Variants in TMEM141 observed in about 807,000 individuals in gnomAD.
The protein encoded by TMEM141 is transmembrane protein 141.
Under a neutral mutation model 15.9 loss-of-function variants are expected in TMEM141, and 18 were observed. The ratio of observed to expected loss-of-function variants is 1.13; its 90% confidence interval spans 0.78 to 1.68. The LOEUF is 1.68. Ranked by LOEUF, TMEM141 falls within the 40% of genes most tolerant of loss-of-function variation. The pLI, the probability that TMEM141 is intolerant of heterozygous loss-of-function variation, is 0.00. For missense variants in TMEM141, 161 were observed against 139.5 expected, an observed-to-expected ratio of 1.15 and a Z score of -0.78; for synonymous variants, 69 against 54.0, an observed-to-expected ratio of 1.28 and a Z score of -1.22.
At chr9:136,792,716 T>C in intron 4 of TMEM141, 103 bp from the exon 5 acceptor site, 1 of 903,908 alleles carries the variant, frequency 1.1e-6, no homozygotes, top group Non-Finnish European at 1.7e-6. Flanking sequence ...CCACTGCCCG[T>C]TGTCCTTGTT....
intron 2 of TMEM141, 33 bp from the exon 3 acceptor site, chr9:136,791,914 G>T (rs370483302): frequency 6.2e-7 from 1 of 1,613,828 alleles, no homozygotes; most frequent in Non-Finnish European, 8.5e-7. Context: ...CTATCCCCGG[G>T]TACAGGTTGA....
At position 136,792,354 on chromosome 9, in the gene TMEM141, C is replaced by T. The variant is rs1317871078; in HGVS notation, c.309C>T (p.Ser103=). The change falls in exon 4 of 5, where the codon AGC becomes AGT. Residue 103 remains serine, a synonymous_variant. Coordinates refer to ENST00000290079, the MANE Select transcript of TMEM141 (RefSeq NM_032928.4). ...LETGQLPKDR[S]TDQRS ...CCGGGCAGCTCCCCAAAGACAGGAG[C>T]ACAGGTGAGAGAGCCTGGGGGTTAG... 2 of 1,571,194 alleles carry T rather than the reference C, an allele frequency of 1.3e-6. No individual in the cohort carries two copies. Among genetic ancestry groups the T allele is most frequent in the South Asian group, 2.3e-5 (2 of 85,594 alleles).
In TMEM141 at chr9:136,792,804, C is replaced by T. The variant is rs1470885513; in HGVS notation, c.314-15C>T. 6.4e-7 allele frequency: 1 copy of T among 1,559,954 alleles called. No homozygotes were observed. The highest frequency in any genetic ancestry group is 8.7e-7 in the Non-Finnish European group (1 of 1,151,810). ...ATGGATGTGGTTCGAGCTTGTCTCT[C>T]TTTGCCTTTTACAGATCAGAGAAGC... On this transcript the variant is annotated splice_polypyrimidine_tract_variant and intron_variant, in intron 4 of 4. Transcript: ENST00000290079.
In TMEM141 at chr9:136,791,694, C is replaced by A. The variant is rs1340332170; in HGVS notation, c.55-17C>A. 1 of 1,611,760 alleles carries A rather than the reference C, an allele frequency of 6.2e-7. No individual in the cohort carries two copies. The highest frequency in any genetic ancestry group is 1.1e-5 in the South Asian group (1 of 90,948). On this transcript the variant is annotated splice_polypyrimidine_tract_variant and intron_variant, in intron 1 of 4. Transcript: ENST00000290079. ...GAGGGCAGGGGATCGAGCCTTCACCCGCCTCTGCCACCCCAGGGACTCGGG... is the reference window on the plus strand; with the variant it reads ...GAGGGCAGGGGATCGAGCCTTCACCAGCCTCTGCCACCCCAGGGACTCGGG...
At chr9:136,792,141 G>C in intron 3 of TMEM141, 110 bp from the exon 4 acceptor site, 8 of 1,520,508 alleles carry the variant, frequency 5.3e-6, no homozygotes, top group Non-Finnish European at 7.2e-6. Context: ...GTCTCGGCGG[G>C]AGCCCCACCT....
chr9:136,793,021 GA>G lies in TMEM141; in HGVS notation c.*190del. On this transcript the variant is annotated 3_prime_UTR_variant, in exon 5 of 5. Transcript: ENST00000290079. ...CTGCCCCAACCTGGGACCTGCCCAG[GA>G]GGTTGGAGCAGAAAGGGCTCTCCCT... The G allele has an allele frequency of 1.4e-6, 1 of 703,424 alleles. No individual in the cohort carries two copies. The highest frequency in any genetic ancestry group is 1.9e-6 in the Non-Finnish European group (1 of 518,422). The allele number at this position is 703,424 out of a possible 1,614,324, so 43.6% of individuals were successfully genotyped here.
At position 136,791,689 on chromosome 9, in the gene TMEM141, T is replaced by A. The variant is rs1235475596; in HGVS notation, c.55-22T>A. ...AGGAAGAGGGCAGGGGATCGAGCCT[T>A]CACCCGCCTCTGCCACCCCAGGGAC... On this transcript the variant is annotated intron_variant, in intron 1 of 4. Coordinates refer to ENST00000290079, the MANE Select transcript of TMEM141 (RefSeq NM_032928.4). 10 of 1,609,342 alleles carry A rather than the reference T, an allele frequency of 6.2e-6. No homozygotes were observed. In the African/African-American group the frequency reaches 1.3e-4, roughly 22 times the overall value.
chr9:136,793,055 T>A lies in TMEM141; in HGVS notation c.*223T>A, dbSNP rs1588326150. 9.3e-6 allele frequency: 4 copies of A among 430,664 alleles called. No individual in the cohort carries two copies. The highest frequency in any genetic ancestry group is 6.3e-5 in the African/African-American group (3 of 47,618). 26.7% of individuals were successfully genotyped at this position (430,664 alleles called of 1,614,324 possible). ...GCAGAAAGGGCTCTCCCTGGGGTGGTGTTTCTCCTCTAGGGTATTGGGATG... is the reference window on the plus strand; with the variant it reads ...GCAGAAAGGGCTCTCCCTGGGGTGGAGTTTCTCCTCTAGGGTATTGGGATG... On this transcript the variant is annotated 3_prime_UTR_variant, in exon 5 of 5. Transcript: ENST00000290079.
At chr9:136,792,428 G>A in intron 4 of TMEM141, 70 bp downstream of exon 4, 1 of 1,307,092 alleles carries the variant, frequency 7.7e-7, no homozygotes, top group South Asian at 1.3e-5. Context: ...GGGCAGCCAA[G>A]CCTGGGTGCA....
In TMEM141 at chr9:136,791,736, A is replaced by G; in HGVS notation, c.80A>G (p.Gln27Arg). ...HPGLGEYAACQSHAFMKGVFT... is the reference protein window; with the variant it reads ...HPGLGEYAACRSHAFMKGVFT... ...GGACTCGGGGAGTATGCCGCATGCC[A>G]GTCACACGCCTTCATGAAGGGCGTT... Residue 27 changes from glutamine to arginine, a missense_variant, in exon 2 of 5, where the codon CAG (glutamine) becomes CGG (arginine). Gln to Arg is a conservative substitution (Grantham distance 43). Coordinates refer to ENST00000290079, the MANE Select transcript of TMEM141 (RefSeq NM_032928.4). 1 of 1,613,406 alleles carries G rather than the reference A, an allele frequency of 6.2e-7. No individual in the cohort carries two copies. Among genetic ancestry groups the G allele is most frequent in the Non-Finnish European group, 8.5e-7 (1 of 1,179,896 alleles).
In TMEM141 at chr9:136,792,035, G is replaced by A. The variant is rs762355822; in HGVS notation, c.205+5G>A. 6.2e-7 allele frequency: 1 copy of A among 1,613,716 alleles called. No homozygotes were observed. The highest frequency in any genetic ancestry group is 8.5e-7 in the Non-Finnish European group (1 of 1,179,876). ...GGAGCCTCCTAGTGGCCGTGGGTGG[G>A]TACTCCAGGGCCCCTGCCTGGGCTC... On this transcript the variant is annotated splice_donor_5th_base_variant and intron_variant, in intron 3 of 4. Coordinates refer to ENST00000290079, the MANE Select transcript of TMEM141 (RefSeq NM_032928.4).
At position 136,792,358 on chromosome 9, in the gene TMEM141, G is replaced by C. The variant is rs145998409; in HGVS notation, c.313G>C (p.Asp105His). The C allele has an allele frequency of 4.3e-5, 68 of 1,568,574 alleles. No individual in the cohort carries two copies. The highest frequency in any genetic ancestry group is 4.6e-5 in the Non-Finnish European group (53 of 1,156,226). The change falls in exon 4 of 5, where the codon GAT becomes CAT. Residue 105 changes from aspartate (D) to histidine (H), a missense_variant and splice_region_variant. Physicochemically the swap from Asp to His is moderately conservative, Grantham distance 81. Coordinates refer to ENST00000290079, the MANE Select transcript of TMEM141 (RefSeq NM_032928.4). ...GCAGCTCCCCAAAGACAGGAGCACA[G>C]GTGAGAGAGCCTGGGGGTTAGCGAG... Reference protein sequence around the residue: ...TGQLPKDRSTDQRS With the variant: ...TGQLPKDRSTHQRS
chr9:136,792,016 T>A lies in TMEM141; in HGVS notation c.191T>A (p.Leu64His), dbSNP rs749588332. 12 of 1,613,822 alleles carry A rather than the reference T, an allele frequency of 7.4e-6. No homozygotes were observed. In the Admixed American group the frequency reaches 1.5e-4, roughly 20 times the overall value. Reference protein sequence around the residue: ...RKFPYPLQWSLLVAVVAGSVV... With the variant: ...RKFPYPLQWSHLVAVVAGSVV... ...TTTCCATACCCTTTGCAGTGGAGCC[T>A]CCTAGTGGCCGTGGGTGGGTACTCC... The change falls in exon 3 of 5, where the codon CTC (leucine) becomes CAC (histidine). Residue 64 changes from leucine to histidine, a missense_variant. Transcript: ENST00000290079.
rs1164097997 is a variant in TMEM141, at chr9:136,792,254, C to G, written c.209C>G (p.Ala70Gly). ...LQWSLLVAVV[A>G]GSVVSYGVTR... ...TCTTCCATTTCCTGCTCCACAGTTG[C>G]AGGCTCTGTGGTCAGCTACGGGGTG... is the stretch of plus-strand genomic sequence containing the variant. The change falls in exon 4 of 5, where the codon GCA becomes GGA. Residue 70 changes from alanine to glycine, a missense_variant. Physicochemically the swap from Ala to Gly is moderately conservative, Grantham distance 60. Transcript: ENST00000290079. 3.2e-6 allele frequency: 5 copies of G among 1,579,386 alleles called. No homozygotes were observed. In the South Asian group the frequency reaches 5.8e-5, roughly 18 times the overall value.
In TMEM141 at chr9:136,791,993, T is replaced by G. The variant is rs1395813136; in HGVS notation, c.168T>G (p.Phe56Leu). 1.4e-5 allele frequency: 22 copies of G among 1,613,954 alleles called. No individual in the cohort carries two copies. Among genetic ancestry groups the G allele is most frequent in the Non-Finnish European group, 1.6e-5 (19 of 1,180,024 alleles). Residue 56 changes from phenylalanine to leucine, a missense_variant, in exon 3 of 5, where the codon TTT (phenylalanine) becomes TTG (leucine). By Grantham distance (22) the Phe-to-Leu change is conservative. Coordinates refer to ENST00000290079, the MANE Select transcript of TMEM141 (RefSeq NM_032928.4). ...TGCAGATGTTCATTCAGAGGAAGTT[T>G]CCATACCCTTTGCAGTGGAGCCTCC... Reference protein sequence around the residue: ...FGLQMFIQRKFPYPLQWSLLV... With the variant: ...FGLQMFIQRKLPYPLQWSLLV...
Position 136,792,869 on chromosome 9 carries a change from G to A in TMEM141, c.*37G>A. 1.3e-6 allele frequency: 2 copies of A among 1,523,640 alleles called. No homozygotes were observed. The highest frequency in any genetic ancestry group is 1.3e-5 in the South Asian group (1 of 76,706). 94.4% of individuals were successfully genotyped at this position (1,523,640 alleles called of 1,614,324 possible). On this transcript the variant is annotated 3_prime_UTR_variant, in exon 5 of 5. Transcript: ENST00000290079. ...CAGGGGCACAGAGGATTGGGGGCAG[G>A]AGGAGTCTGGAACACAGCCTTCATG...
At position 136,792,361 on chromosome 9, in the gene TMEM141, G is replaced by A; in HGVS notation, c.313+3G>A. Reference sequence around the variant, plus strand: ...GCTCCCCAAAGACAGGAGCACAGGTGAGAGAGCCTGGGGGTTAGCGAGAAG... The same window carrying A: ...GCTCCCCAAAGACAGGAGCACAGGTAAGAGAGCCTGGGGGTTAGCGAGAAG... On this transcript the variant is annotated splice_donor_region_variant and intron_variant, in intron 4 of 4. Transcript: ENST00000290079. 3.8e-6 allele frequency: 6 copies of A among 1,565,954 alleles called. No individual in the cohort carries two copies. The highest frequency in any genetic ancestry group is 5.2e-6 in the Non-Finnish European group (6 of 1,154,728).
intron 3 of TMEM141, 90 bp from the exon 4 acceptor site, chr9:136,792,161 C>A: frequency 6.7e-7 from 1 of 1,496,064 alleles, no homozygotes; most frequent in Non-Finnish European, 9.1e-7. Flanking sequence ...TGAGCCCACC[C>A]ACCACGTCTG....
chr9:136,791,408 T>C lies in TMEM141; in HGVS notation c.38T>C (p.Val13Ala). The stretch of plus-strand genomic sequence containing the variant: ...GGTCTGTCCCGGGTGGACGACGCCG[T>C]GGCTGCCAAGCACCCGGTGAGAAGG... Reference protein sequence around the residue: ...NLGLSRVDDAVAAKHPGLGEY... With the variant: ...NLGLSRVDDAAAAKHPGLGEY... Residue 13 changes from valine to alanine, a missense_variant, in exon 1 of 5, where the codon GTG becomes GCG. Transcript: ENST00000290079. 1 of 1,559,564 alleles carries C rather than the reference T, an allele frequency of 6.4e-7. No homozygotes were observed. The highest frequency in any genetic ancestry group is 8.7e-7 in the Non-Finnish European group (1 of 1,152,102).
Sources: allele counts gnomAD v4.1 joint callset, GRCh38; gene constraint gnomAD v4.1.1; transcripts MANE v1.5; gene names NCBI Gene and HGNC (gene_info 2026-07-23, HGNC 2026-07-21).